The following DHRS4 variants were observed in gnomAD, a reference collection of about 807,000 sequenced individuals.
DHRS4 encodes dehydrogenase/reductase 4, also known as dehydrogenase/reductase SDR family member 4.
DHRS4 carries 20 observed loss-of-function variants against 28.4 expected under a neutral mutation model. That is an observed-to-expected ratio of 0.71 (90% CI 0.50 to 1.02). The LOEUF is 1.02. Ranked by LOEUF, DHRS4 falls within the 50% of genes least tolerant of loss-of-function variation. The pLI, the probability that DHRS4 is intolerant of heterozygous loss-of-function variation, is 0.00. For synonymous variants in DHRS4, 144 were observed against 146.4 expected (o/e 0.98, Z 0.12); for missense variants, 378 against 367.2 (o/e 1.03, Z -0.24).
Position 23,954,946 on chromosome 14 carries a change from A to T in DHRS4, c.129-89A>T. On this transcript the variant is annotated intron_variant, in intron 1 of 7. Coordinates refer to ENST00000313250, the MANE Select transcript of DHRS4 (RefSeq NM_021004.4). Reference sequence around the variant, plus strand: ...TTATATAGAGAAAGAGCCAGAATTCAAACCCGGGCAGTCTTAACTTCAGAG... The same window carrying T: ...TTATATAGAGAAAGAGCCAGAATTCTAACCCGGGCAGTCTTAACTTCAGAG... 4 of 1,571,972 alleles carry T rather than the reference A, an allele frequency of 2.5e-6. No homozygotes were observed. In the South Asian group the frequency reaches 4.7e-5, roughly 18 times the overall value.
intron 3 of DHRS4, among the ~76,000 whole-genome samples, chr14:23,964,220 T>TAAAAAAAAAAAAAAA (rs71119059): frequency 5.8e-5 from 2 of 34,498 alleles, no homozygotes; most frequent in African/African-American, 9.3e-5. Flanking sequence ...CTGCAATTTG[T>TAAAAAAAAAAAAAAA]AAAAAAAAAA....
At chr14:23,959,303 C>T (rs1016173285) in intron 2 of DHRS4, among the ~76,000 whole-genome samples, 4 of 152,142 alleles carry the variant, frequency 2.6e-5, no homozygotes, top group African/African-American at 9.7e-5. Flanking sequence ...GTGGGTCGCG[C>T]CTGTAACACT....
rs185663861 is a variant in DHRS4 at position 23,956,342 on chromosome 14, C to A, written c.306+1130C>A. ...ATCCTCCCGGAAAAACATCCTGTGGCCCCCACCAGGTTCACTTAACATGGC... is the reference window on the plus strand; with the variant it reads ...ATCCTCCCGGAAAAACATCCTGTGGACCCCACCAGGTTCACTTAACATGGC... On this transcript the variant is annotated intron_variant, in intron 2 of 7. Coordinates refer to ENST00000313250, the MANE Select transcript of DHRS4 (RefSeq NM_021004.4). Among the ~76,000 whole-genome samples, 125 of 152,320 alleles carry A rather than the reference C, an allele frequency of 8.2e-4. 1 individual carries two copies. The highest frequency in any genetic ancestry group is 4.3e-3 in the Admixed American group (66 of 15,302).
chr14:23,959,800 T>G (rs1245473189), intron 2 of DHRS4, 102 bp from the exon 3 acceptor site: 4 of 1,392,826 alleles, frequency 2.9e-6, no homozygotes, highest in Admixed American at 1.7e-5. Flanking sequence ...ATTACAGGCA[T>G]GAGCCACAGC....
Position 23,968,943 on chromosome 14 carries a change from C to G in DHRS4, c.*72C>G. Reference sequence around the variant, plus strand: ...TGCTGTTCCCGCATTCACCCACTGGCCTTTCCCACCTCTGCTCACCTTACT... The same window carrying G: ...TGCTGTTCCCGCATTCACCCACTGGGCTTTCCCACCTCTGCTCACCTTACT... On this transcript the variant is annotated 3_prime_UTR_variant, in exon 8 of 8. Transcript: ENST00000313250. The G allele has an allele frequency of 6.3e-7, 1 of 1,580,700 alleles. No homozygotes were observed. The highest frequency in any genetic ancestry group is 8.6e-7 in the Non-Finnish European group (1 of 1,163,170).
At chr14:23,954,215 G>A (rs547559425) in intron 1 of DHRS4, 24 of 315,178 alleles carry the variant, frequency 7.6e-5, no homozygotes, top group East Asian at 5.5e-5. Flanking sequence ...GCCACCTAGC[G>A]TCTGGGAAGA....
rs757446778 is a variant in DHRS4, at chr14:23,959,891, C to T, written c.307-11C>T. On this transcript the variant is annotated splice_polypyrimidine_tract_variant and intron_variant, in intron 2 of 7. Transcript: ENST00000313250. ...CTGCAGCCCTGGTCCAGAACTTACC[C>T]CTCTCTCTAGGCTGTGAAGCTTCAT... The T allele has an allele frequency of 5.4e-5, 87 of 1,612,460 alleles. 1 individual carries two copies. Among genetic ancestry groups the T allele is most frequent in the Admixed American group, 1.3e-4 (8 of 59,968 alleles).
At position 23,959,989 on chromosome 14, in the gene DHRS4, G is replaced by T. The variant is rs368587213; in HGVS notation, c.394G>T (p.Glu132Ter). The T allele has an allele frequency of 6.2e-7, 1 of 1,611,262 alleles. No individual in the cohort carries two copies. Among genetic ancestry groups the T allele is most frequent in the Non-Finnish European group, 8.5e-7 (1 of 1,179,698 alleles). The change falls in exon 3 of 8, where the codon GAG becomes TAG. Residue 132 changes from glutamate (E) to a stop codon, truncating the protein, a stop_gained. Coordinates refer to ENST00000313250, the MANE Select transcript of DHRS4 (RefSeq NM_021004.4). LOFTEE classifies it high-confidence loss of function. Reference sequence around the variant, plus strand: ...TGGAAGCATAATGGATGTCACTGAGGAGGTGTGGGACAAGGTGAGAGGGGA... The same window carrying T: ...TGGAAGCATAATGGATGTCACTGAGTAGGTGTGGGACAAGGTGAGAGGGGA... ...FFGSIMDVTE[E>*]VWDKTLDINV...
chr14:23,961,529 C>CTTTT (rs546435038), intron 3 of DHRS4, among the ~76,000 whole-genome samples: 2 of 90,752 alleles, frequency 2.2e-5, no homozygotes, highest in Non-Finnish European at 3.9e-5. Context: ...GTCTTTTTTC[C>CTTTT]TTTTTTTTTT....
chr14:23,962,572 C>A lies in DHRS4; in HGVS notation c.408+2569C>A, dbSNP rs868387238. 8.5e-3 allele frequency among the ~76,000 whole-genome samples: 1,282 copies of A among 151,506 alleles called. 2 individuals are homozygous for A. Among genetic ancestry groups the A allele is most frequent in the African/African-American group, 0.03 (1,213 of 41,076 alleles). On this transcript the variant is annotated intron_variant, in intron 3 of 7. Transcript: ENST00000313250. Reference sequence around the variant, plus strand: ...TCGTGAGATTGTAGCAATTCAGTCCCATCTTCCAGCTCCGCTTCTAGTTCT... The same window carrying A: ...TCGTGAGATTGTAGCAATTCAGTCCAATCTTCCAGCTCCGCTTCTAGTTCT...
At chr14:23,955,282 C>T (rs2033087283) in intron 2 of DHRS4, 70 bp downstream of exon 2, 1 of 1,512,152 alleles carries the variant, frequency 6.6e-7, no homozygotes, top group Non-Finnish European at 8.9e-7. Context: ...TCCTTCCCTG[C>T]TTTCCTAGAC....
chr14:23,960,592 G>A (rs1457837982), intron 3 of DHRS4, among the ~76,000 whole-genome samples: 1 of 152,044 alleles, frequency 6.6e-6, no homozygotes, highest in South Asian at 2.1e-4. Flanking sequence ...TGGGTTTTAT[G>A]TGAAAGTGTA....
At position 23,953,887 on chromosome 14, in the gene DHRS4, G is replaced by A. The variant is rs1267305669; in HGVS notation, c.99G>A (p.Lys33=). ...CCCGCCGGGACCCGCTCGCAAATAA[G>A]GTGGCCCTGGTAACGGCCTCCACCG... ...GMTRRDPLAN[K]VALVTASTDG... is the part of the protein sequence containing the mutation. Residue 33 remains lysine (K), a synonymous_variant, in exon 1 of 8, where the codon AAG becomes AAA. Transcript: ENST00000313250. 6.2e-7 allele frequency: 1 copy of A among 1,607,582 alleles called. No individual in the cohort carries two copies. Among genetic ancestry groups the A allele is most frequent in the Non-Finnish European group, 8.5e-7 (1 of 1,177,238 alleles).
chr14:23,966,142 G>A, intron 5 of DHRS4, 141 bp from the exon 6 acceptor site: 5 of 1,586,174 alleles, frequency 3.2e-6, no homozygotes, highest in Non-Finnish European at 4.3e-6. Context: ...CAACCTAGGG[G>A]AGGTTTAGCC....
chr14:23,966,538 T>G (rs2033627945), intron 6 of DHRS4, 121 bp downstream of exon 6: 1 of 1,493,754 alleles, frequency 6.7e-7, no homozygotes, highest in East Asian at 2.3e-5. Context: ...TCCCTGGACT[T>G]TCCCATATTC....
Position 23,957,375 on chromosome 14 carries a change from C to A in DHRS4, c.306+2163C>A, listed in dbSNP as rs1278734732. On this transcript the variant is annotated intron_variant, in intron 2 of 7. Coordinates refer to ENST00000313250, the MANE Select transcript of DHRS4 (RefSeq NM_021004.4). ...CCTGAGAATGGATACTACCCAGTGG[C>A]CTCCTCATCTGGACACCACGAAGCT... Among the ~76,000 whole-genome samples, 7 of 136,402 alleles carry A rather than the reference C, an allele frequency of 5.1e-5. 1 individual carries two copies. In the East Asian group the frequency reaches 1.4e-3, roughly 27 times the overall value. The allele number at this position is 136,402 out of a possible 152,430, so 89.5% of individuals were successfully genotyped here. A position where few individuals can be genotyped will look rare whatever the true frequency, so the allele number is the denominator to read the frequency against.
chr14:23,960,249 T>A (rs937013686), intron 3 of DHRS4, among the ~76,000 whole-genome samples: 8 of 152,032 alleles, frequency 5.3e-5, no homozygotes, highest in African/African-American at 1.7e-4. Context: ...AGCCACAGTC[T>A]GCTCCTCTCC....
chr14:23,966,982 C>T lies in DHRS4; in HGVS notation c.667-229C>T, dbSNP rs1192408581. On this transcript the variant is annotated intron_variant, in intron 6 of 7. Transcript: ENST00000313250. ...CATCTTGGCTAACACGGTGAAACCC[C>T]GTCTCTACTAAAAATACAAAAAATT... Among the ~76,000 whole-genome samples, 6 of 152,202 alleles carry T rather than the reference C, an allele frequency of 3.9e-5. No individual in the cohort carries two copies. In the East Asian group the frequency reaches 7.7e-4, roughly 20 times the overall value.
At chr14:23,958,971 T>C (rs1250757317) in intron 2 of DHRS4, among the ~76,000 whole-genome samples, 1 of 152,196 alleles carries the variant, frequency 6.6e-6, no homozygotes, top group Non-Finnish European at 1.5e-5. Flanking sequence ...GAATAGATGA[T>C]CTCAAAGGCC....
Sources: allele counts gnomAD v4.1 joint callset (sites outside exome capture counted in the v4.1 genomes callset), GRCh38; gene constraint gnomAD v4.1.1; transcripts MANE v1.5; gene names NCBI Gene and HGNC (gene_info 2026-07-23, HGNC 2026-07-21).